Variants in FAM135A observed in about 807,000 individuals in gnomAD.
FAM135A encodes family with sequence similarity 135 member A.
In FAM135A, 79 loss-of-function variants were observed where a neutral mutation model predicts 146.8. The ratio of observed to expected loss-of-function variants is 0.54; its 90% CI spans 0.45 to 0.65. The LOEUF (loss-of-function observed/expected upper bound fraction) is 0.65. FAM135A is among the 30% of genes least tolerant of loss of function. The pLI is 0.00. For synonymous variants in FAM135A, 562 were observed against 603.6 expected, an observed-to-expected ratio of 0.93 and a Z score of 1.01; for missense variants, 1,623 against 1,758.2, an observed-to-expected ratio of 0.92 and a Z score of 1.38.
intron 19 of FAM135A, among the ~76,000 whole-genome samples, chr6:70,537,564 A>T (rs182174005): frequency 2.6e-5 from 4 of 152,218 alleles, no homozygotes; most frequent in Non-Finnish European, 5.9e-5. Flanking sequence ...TTTGAATTTC[A>T]TTCTTCACTA....
intron 8 of FAM135A, among the ~76,000 whole-genome samples, chr6:70,478,298 T>C (rs1783006852): frequency 6.6e-6 from 1 of 152,170 alleles, no homozygotes. Flanking sequence ...GTCTTCAGTT[T>C]TTACAACATC....
chr6:70,463,955 G>A (rs902983262), intron 5 of FAM135A, among the ~76,000 whole-genome samples: 27 of 152,172 alleles, frequency 1.8e-4, no homozygotes, highest in African/African-American at 6.5e-4. Flanking sequence ...GCTGAAATAG[G>A]CAGTTAAGAG....
At chr6:70,506,966 A>C (rs185402998) in intron 12 of FAM135A, among the ~76,000 whole-genome samples, 184 of 152,188 alleles carry the variant, frequency 1.2e-3, no homozygotes, top group Non-Finnish European at 2.3e-3. Flanking sequence ...TAGGAACAAG[A>C]AGGTAAACTT....
rs1172258803 is a variant in FAM135A at position 70,526,500 on chromosome 6, G to A, written c.3416G>A (p.Arg1139Lys). The change falls in exon 15 of 22, where the codon AGA becomes AAA. Residue 1139 changes from arginine to lysine, a missense_variant. Transcript: ENST00000418814. Reference protein sequence around the residue: ...KSEKINSDYLRDGINMPTVCT... With the variant: ...KSEKINSDYLKDGINMPTVCT... ...GAAAAAATAAACAGTGACTATCTGA[G>A]AGATGGTATAAACATGCCTACTGTC... 1 of 1,613,566 alleles carries A rather than the reference G, an allele frequency of 6.2e-7. No individual in the cohort carries two copies. The highest frequency in any genetic ancestry group is 1.3e-5 in the African/African-American group (1 of 74,996).
intron 2 of FAM135A, among the ~76,000 whole-genome samples, chr6:70,425,484 T>A (rs1769861040): frequency 6.6e-6 from 1 of 152,196 alleles, no homozygotes; most frequent in Non-Finnish European, 1.5e-5. Context: ...AAGTTTAAAA[T>A]AGCAGTTATG....
At chr6:70,483,805 A>G (rs72917953) in intron 10 of FAM135A, among the ~76,000 whole-genome samples, 83 of 152,328 alleles carry the variant, frequency 5.4e-4, no homozygotes, top group Non-Finnish European at 9.3e-4. Flanking sequence ...CATTTCTACA[A>G]AAAAACCCAA....
chr6:70,449,981 G>A (rs1338929639), intron 4 of FAM135A, among the ~76,000 whole-genome samples: 2 of 152,008 alleles, frequency 1.3e-5, no homozygotes, highest in East Asian at 3.9e-4. Flanking sequence ...GATTCTTATG[G>A]TATTGATTTG....
chr6:70,422,228 G>A (rs1581980331), intron 2 of FAM135A, among the ~76,000 whole-genome samples: 1 of 152,114 alleles, frequency 6.6e-6, no homozygotes, highest in South Asian at 2.1e-4. Flanking sequence ...ATAGTGTTAC[G>A]CCAGCAAGAA....
chr6:70,507,835 G>A (rs1052518171), intron 12 of FAM135A, among the ~76,000 whole-genome samples: 3 of 151,904 alleles, frequency 2.0e-5, no homozygotes, highest in African/African-American at 7.3e-5. Flanking sequence ...AACTAAAATG[G>A]AATGATCAAG....
At chr6:70,512,369 G>T in intron 12 of FAM135A, among the ~76,000 whole-genome samples, 1 of 151,590 alleles carries the variant, frequency 6.6e-6, no homozygotes, top group Non-Finnish European at 1.5e-5. Context: ...TATTTCTATT[G>T]CTTACATACA....
chr6:70,446,871 A>G (rs1289080367), intron 4 of FAM135A, among the ~76,000 whole-genome samples: 6 of 152,164 alleles, frequency 3.9e-5, no homozygotes, highest in Admixed American at 2.6e-4. Flanking sequence ...TTCATGCATC[A>G]TATGTTGACT....
In FAM135A at chr6:70,525,626, G is replaced by T; in HGVS notation, c.2542G>T (p.Glu848Ter). ...TSINSLPSDDELSPDENSKKS... is the reference protein window; with the variant it reads ...TSINSLPSDD ...CATAAACTCTCTACCCTCCGATGATGAACTGTCACCTGATGAAAATTCTAA... is the reference window on the plus strand; with the variant it reads ...CATAAACTCTCTACCCTCCGATGATTAACTGTCACCTGATGAAAATTCTAA... The change falls in exon 15 of 22, where the codon GAA (glutamate) becomes TAA (stop). Residue 848 changes from glutamate to a stop codon, truncating the protein, a stop_gained. Transcript: ENST00000418814. LOFTEE classifies it high-confidence loss of function. 6.2e-7 allele frequency: 1 copy of T among 1,613,302 alleles called. No individual in the cohort carries two copies. Among genetic ancestry groups the T allele is most frequent in the South Asian group, 1.1e-5 (1 of 90,974 alleles).
At chr6:70,430,499 G>C (rs1377725526) in intron 4 of FAM135A, among the ~76,000 whole-genome samples, 1 of 152,134 alleles carries the variant, frequency 6.6e-6, no homozygotes, top group Non-Finnish European at 1.5e-5. Flanking sequence ...AAACTTTGTG[G>C]ACTGTCCATA....
chr6:70,545,587 G>C (rs1413259853), intron 20 of FAM135A, among the ~76,000 whole-genome samples: 2 of 152,134 alleles, frequency 1.3e-5, no homozygotes, highest in Non-Finnish European at 2.9e-5. Context: ...CTATACTCCA[G>C]CCTGGGCAAC....
chr6:70,429,845 A>G (rs1487270768), intron 4 of FAM135A, among the ~76,000 whole-genome samples: 1 of 152,214 alleles, frequency 6.6e-6, no homozygotes, highest in South Asian at 2.1e-4. Context: ...CTGGAGATCT[A>G]TACAAAGAGT....
chr6:70,452,408 T>C (rs1777311277), intron 4 of FAM135A, 84 bp from the exon 5 acceptor site: 1 of 976,902 alleles, frequency 1.0e-6, no homozygotes, highest in African/African-American at 1.7e-5. Flanking sequence ...TTTATTATTT[T>C]AATATGGATA....
chr6:70,493,743 G>A (rs1413790309), intron 11 of FAM135A, among the ~76,000 whole-genome samples: 1 of 152,130 alleles, frequency 6.6e-6, no homozygotes. Flanking sequence ...TGTAATCTAA[G>A]TTATACAGCC....
intron 11 of FAM135A, among the ~76,000 whole-genome samples, chr6:70,496,906 T>A (rs772372575): frequency 1.3e-5 from 2 of 152,188 alleles, no homozygotes; most frequent in African/African-American, 2.4e-5. Flanking sequence ...TTGGTTACTG[T>A]AGCCTTGCAG....
intron 18 of FAM135A, among the ~76,000 whole-genome samples, chr6:70,534,930 G>A (rs539086112): frequency 6.6e-6 from 1 of 152,268 alleles, no homozygotes; most frequent in East Asian, 1.9e-4. Context: ...ATGGGAGAAG[G>A]TTCAGGTTTG....
Sources: allele counts gnomAD v4.1 joint callset (sites outside exome capture counted in the v4.1 genomes callset), GRCh38; gene constraint gnomAD v4.1.1; transcripts MANE v1.5; gene names NCBI Gene and HGNC (gene_info 2026-07-23, HGNC 2026-07-21).